Variants in GPC6 observed in about 807,000 individuals in gnomAD.
GPC6 encodes glypican-6.
A neutral mutation model predicts 55.2 loss-of-function variants in GPC6; 14 were observed. That is an observed-to-expected ratio of 0.25 (90% CI 0.17 to 0.40). The LOEUF is 0.40. Ranked by LOEUF, GPC6 falls within the 10% of genes least tolerant of loss-of-function variation. The pLI is 1.00. For synonymous variants in GPC6, 278 were observed against 259.6 expected, an observed-to-expected ratio of 1.07 and a Z score of -0.68; for missense variants, 641 against 708.5, an observed-to-expected ratio of 0.90 and a Z score of 1.08.
At chr13:93,671,177 C>A (rs1439083620) in intron 2 of GPC6, among the ~76,000 whole-genome samples, 1 of 152,100 alleles carries the variant, frequency 6.6e-6, no homozygotes, top group Non-Finnish European at 1.5e-5. Context: ...ATGTGTTTGA[C>A]ATACTGGGTT....
intron 2 of GPC6, among the ~76,000 whole-genome samples, chr13:93,811,248 A>G (rs1886685658): frequency 6.6e-6 from 1 of 152,200 alleles, no homozygotes; most frequent in Admixed American, 6.5e-5. Flanking sequence ...TTTATTCCAC[A>G]ATCAATTTGC....
chr13:94,342,271 C>T (rs1402672244), intron 6 of GPC6, among the ~76,000 whole-genome samples: 1 of 152,170 alleles, frequency 6.6e-6, no homozygotes. Context: ...CCACTACCTG[C>T]GAATGAGACC....
chr13:93,583,978 C>T (rs966473187), intron 2 of GPC6, among the ~76,000 whole-genome samples: 2 of 152,104 alleles, frequency 1.3e-5, no homozygotes, highest in African/African-American at 4.8e-5. Context: ...GTTCATACTC[C>T]GTGTACCTAC....
intron 4 of GPC6, among the ~76,000 whole-genome samples, chr13:94,082,296 CT>C (rs1485407912): frequency 6.6e-6 from 1 of 152,078 alleles, no homozygotes; most frequent in Non-Finnish European, 1.5e-5. Context: ...TTAAGACTTC[CT>C]ACCTGGGTTC....
intron 4 of GPC6, among the ~76,000 whole-genome samples, chr13:94,196,742 C>G (rs1030593519): frequency 2.0e-5 from 3 of 152,128 alleles, no homozygotes; most frequent in Admixed American, 6.6e-5. Context: ...CTTAAACATG[C>G]CTTTATTTGG....
At chr13:93,390,820 G>T (rs1875601985) in intron 1 of GPC6, among the ~76,000 whole-genome samples, 1 of 150,076 alleles carries the variant, frequency 6.7e-6, no homozygotes, top group African/African-American at 2.4e-5. Flanking sequence ...AAAATCTTGG[G>T]GACATTGGTG....
chr13:93,860,846 CATCTT>C (rs1888785976), intron 3 of GPC6, among the ~76,000 whole-genome samples: 1 of 151,616 alleles, frequency 6.6e-6, no homozygotes, highest in African/African-American at 2.4e-5. Context: ...TTTTGAATCT[CATCTT>C]TTCTTAGTTG....
intron 2 of GPC6, among the ~76,000 whole-genome samples, chr13:93,683,547 A>G (rs1881934531): frequency 6.6e-6 from 1 of 152,144 alleles, no homozygotes; most frequent in South Asian, 2.1e-4. Context: ...AAAAGGCCCA[A>G]ATTCTGGTCC....
rs139704413 is a variant in GPC6 at position 94,288,632 on chromosome 13, T to C, written c.1008+2153T>C. Among the ~76,000 whole-genome samples the C allele has an allele frequency of 9.4e-5, 14 of 149,252 alleles. 1 individual carries two copies. Among genetic ancestry groups the C allele is most frequent in the African/African-American group, 3.2e-4 (13 of 40,492 alleles). On this transcript the variant is annotated intron_variant, in intron 5 of 8. Coordinates refer to ENST00000377047, the MANE Select transcript of GPC6 (RefSeq NM_005708.5). ...GTATACTTGTAGCTCCTCTCTTCTG[T>C]AATGTTTTTCACTCTTCTTACCTTT...
intron 1 of GPC6, among the ~76,000 whole-genome samples, chr13:93,354,066 C>T (rs2139167737): frequency 6.6e-6 from 1 of 152,200 alleles, no homozygotes; most frequent in African/African-American, 2.4e-5. Flanking sequence ...CCGACAAGAA[C>T]TAAGAAGCAA....
intron 1 of GPC6, among the ~76,000 whole-genome samples, chr13:93,424,623 A>ATCATCATCT (rs1877053004): frequency 6.6e-6 from 1 of 152,030 alleles, no homozygotes; most frequent in Non-Finnish European, 1.5e-5. Context: ...CATCATCATC[A>ATCATCATCT]TCATCTTCAT....
chr13:93,950,982 T>C (rs1338339503), intron 3 of GPC6, among the ~76,000 whole-genome samples: 1 of 152,126 alleles, frequency 6.6e-6, no homozygotes, highest in African/African-American at 2.4e-5. Flanking sequence ...CTTGGTAGTC[T>C]GAGGGAGCAA....
At chr13:93,993,633 C>T (rs1881411769) in intron 3 of GPC6, among the ~76,000 whole-genome samples, 1 of 152,076 alleles carries the variant, frequency 6.6e-6, no homozygotes, top group South Asian at 2.1e-4. Context: ...CTCCTTTACT[C>T]ATGAAGTATA....
At chr13:93,686,576 A>G (rs1164029057) in intron 2 of GPC6, among the ~76,000 whole-genome samples, 1 of 152,152 alleles carries the variant, frequency 6.6e-6, no homozygotes, top group African/African-American at 2.4e-5. Flanking sequence ...TTGGTGAGAA[A>G]GAACAATACT....
chr13:93,817,445 A>G (rs1948220231), intron 2 of GPC6, among the ~76,000 whole-genome samples: 1 of 152,186 alleles, frequency 6.6e-6, no homozygotes, highest in Non-Finnish European at 1.5e-5. Flanking sequence ...TACCTTTGTA[A>G]TTGAACTATT....
intron 4 of GPC6, among the ~76,000 whole-genome samples, chr13:94,094,840 C>G (rs530742847): frequency 6.6e-6 from 1 of 152,084 alleles, no homozygotes; most frequent in African/African-American, 2.4e-5. Context: ...AGAATGCTTA[C>G]TATGTAAATT....
intron 1 of GPC6, among the ~76,000 whole-genome samples, chr13:93,455,141 C>T (rs1878399422): frequency 6.6e-6 from 1 of 152,182 alleles, no homozygotes; most frequent in African/African-American, 2.4e-5. Flanking sequence ...GCGGCGCACG[C>T]AGCCCCGGTT....
chr13:93,340,022 C>CT (rs1555292175), intron 1 of GPC6, among the ~76,000 whole-genome samples: 133 of 84,214 alleles, frequency 1.6e-3, no homozygotes, highest in Non-Finnish European at 2.3e-3. Context: ...CAAAAGTTTT[C>CT]TTTCTTTTTT....
chr13:93,913,844 G>A (rs1877142515), intron 3 of GPC6, among the ~76,000 whole-genome samples: 1 of 152,108 alleles, frequency 6.6e-6, no homozygotes, highest in Non-Finnish European at 1.5e-5. Context: ...TGAGCACCCT[G>A]CCCCATCCTC....
Sources: allele counts gnomAD v4.1 joint callset (sites outside exome capture counted in the v4.1 genomes callset), GRCh38; gene constraint gnomAD v4.1.1; transcripts MANE v1.5; gene names NCBI Gene and HGNC (gene_info 2026-07-23, HGNC 2026-07-21).